Variants in ATRNL1 observed in about 807,000 individuals in gnomAD.
The protein encoded by ATRNL1 is attractin like 1.
A neutral mutation model predicts 182.7 loss-of-function variants in ATRNL1; 95 were observed. That is an observed-to-expected ratio of 0.52 (90% CI 0.44 to 0.62). ATRNL1 has a LOEUF of 0.62. ATRNL1 is among the 20% of genes least tolerant of loss of function. The pLI is 0.00. For missense variants in ATRNL1, 1,471 were observed against 1,679.5 expected (o/e 0.88, Z 2.17); for synonymous variants, 576 against 568.3 (o/e 1.01, Z -0.19).
intron 19 of ATRNL1, among the ~76,000 whole-genome samples, chr10:115,352,799 C>G (rs1554941791): frequency 6.6e-6 from 1 of 152,080 alleles, no homozygotes; most frequent in East Asian, 1.9e-4. Context: ...ACTCGGGAGG[C>G]TGAGGCAGGA....
intron 5 of ATRNL1, among the ~76,000 whole-genome samples, chr10:115,144,186 C>T (rs1195023085): frequency 2.6e-5 from 4 of 151,860 alleles, no homozygotes; most frequent in African/African-American, 7.2e-5. Context: ...CTCATGCTGT[C>T]GCCCAGGCTG....
At position 115,832,829 on chromosome 10, in the gene ATRNL1, A is replaced by G. The variant is rs530519881; in HGVS notation, c.3904-15048A>G. ...TCCTGCATCTCTGTCTCAACCTTTT[A>G]TCTGATACTCACACCTGAATCCCCT... On this transcript the variant is annotated intron_variant, in intron 27 of 28. Coordinates refer to ENST00000355044, the MANE Select transcript of ATRNL1 (RefSeq NM_207303.4). Among the ~76,000 whole-genome samples the G allele has an allele frequency of 5.1e-4, 78 of 152,226 alleles. 1 individual carries two copies. Among genetic ancestry groups the G allele is most frequent in the Middle Eastern group, 6.8e-3 (2 of 294 alleles).
intron 26 of ATRNL1, among the ~76,000 whole-genome samples, chr10:115,706,505 C>A (rs1555053100): frequency 6.6e-6 from 1 of 151,828 alleles, no homozygotes; most frequent in African/African-American, 2.4e-5. Context: ...CAGCCCACCA[C>A]AGCTACTATC....
intron 26 of ATRNL1, among the ~76,000 whole-genome samples, chr10:115,588,157 G>T (rs1555010849): frequency 6.6e-6 from 1 of 152,166 alleles, no homozygotes; most frequent in Non-Finnish European, 1.5e-5. Context: ...TGTTAAACCT[G>T]ATATGTAGCA....
chr10:115,170,307 C>A (rs183464352), intron 7 of ATRNL1, among the ~76,000 whole-genome samples: 1 of 152,046 alleles, frequency 6.6e-6, no homozygotes, highest in Non-Finnish European at 1.5e-5. Context: ...TTTTCTATTT[C>A]TAGTTTGTTG....
intron 26 of ATRNL1, among the ~76,000 whole-genome samples, chr10:115,679,968 T>C (rs2133947557): frequency 6.6e-6 from 1 of 152,220 alleles, no homozygotes; most frequent in South Asian, 2.1e-4. Flanking sequence ...CTTAAACACA[T>C]GAGATATGTG....
chr10:115,746,268 T>C (rs1413354644), intron 27 of ATRNL1, among the ~76,000 whole-genome samples: 1 of 152,094 alleles, frequency 6.6e-6, no homozygotes, highest in Admixed American at 6.6e-5. Context: ...ATCATATTAG[T>C]ATTGAAAATA....
intron 1 of ATRNL1, among the ~76,000 whole-genome samples, chr10:115,110,351 A>T (rs149410274): frequency 6.6e-6 from 1 of 152,216 alleles, no homozygotes; most frequent in Non-Finnish European, 1.5e-5. Context: ...TGGATTTGAC[A>T]TGCTAATGCT....
intron 26 of ATRNL1, among the ~76,000 whole-genome samples, chr10:115,633,038 A>T (rs1858618186): frequency 6.6e-6 from 1 of 151,898 alleles, no homozygotes; most frequent in African/African-American, 2.4e-5. Context: ...GATTACAGGC[A>T]TGCACTGCCA....
At chr10:115,851,326 G>A (rs1210011603) in intron 28 of ATRNL1, among the ~76,000 whole-genome samples, 1 of 151,672 alleles carries the variant, frequency 6.6e-6, no homozygotes, top group Admixed American at 6.6e-5. Flanking sequence ...ACAGGAGCTA[G>A]TTTGGCCATC....
rs1947315642 is a variant in ATRNL1 at position 115,718,228 on chromosome 10, A to C, written c.3796-9020A>C. ...ATTAACTATTCAGGGTTTCAGGGCA[A>C]ATGTCATTTCTCTTCTGTAACCATT... On this transcript the variant is annotated intron_variant, in intron 26 of 28. Transcript: ENST00000355044. 3.9e-5 allele frequency among the ~76,000 whole-genome samples: 6 copies of C among 152,140 alleles called. No homozygotes were observed. In the South Asian group the frequency reaches 1.2e-3, roughly 32 times the overall value.
At chr10:115,899,834 G>A (rs564619954) in intron 28 of ATRNL1, among the ~76,000 whole-genome samples, 1 of 152,172 alleles carries the variant, frequency 6.6e-6, no homozygotes, top group Admixed American at 6.5e-5. Flanking sequence ...ATGACTGATG[G>A]TTAAAAGAAT....
intron 8 of ATRNL1, among the ~76,000 whole-genome samples, chr10:115,192,845 C>G (rs1489284387): frequency 6.6e-6 from 1 of 151,554 alleles, no homozygotes; most frequent in Non-Finnish European, 1.5e-5. Flanking sequence ...AATGGGATTA[C>G]TTTTTTTTGG....
chr10:115,726,584 T>C (rs1947604036), intron 26 of ATRNL1, among the ~76,000 whole-genome samples: 1 of 152,180 alleles, frequency 6.6e-6, no homozygotes, highest in African/African-American at 2.4e-5. Flanking sequence ...CCCAGAATAG[T>C]CACAAAGAGA....
chr10:115,110,072 TCATAA>T (rs1844193281), intron 1 of ATRNL1, among the ~76,000 whole-genome samples: 1 of 152,182 alleles, frequency 6.6e-6, no homozygotes, highest in Non-Finnish European at 1.5e-5. Flanking sequence ...TGATGTTTTA[TCATAA>T]CATCATTATA....
chr10:115,615,724 G>A (rs189375839), intron 26 of ATRNL1, among the ~76,000 whole-genome samples: 82 of 152,104 alleles, frequency 5.4e-4, no homozygotes, highest in African/African-American at 1.9e-3. Context: ...CTTTCTTCCC[G>A]CTGTTTCAGC....
At chr10:115,798,804 C>CT (rs544708882) in intron 27 of ATRNL1, among the ~76,000 whole-genome samples, 6 of 145,550 alleles carry the variant, frequency 4.1e-5, no homozygotes, top group East Asian at 2.1e-4. Context: ...AATGAGGTTG[C>CT]TTTTTTTTTC....
At chr10:115,631,018 G>A (rs989127870) in intron 26 of ATRNL1, among the ~76,000 whole-genome samples, 1 of 151,548 alleles carries the variant, frequency 6.6e-6, no homozygotes, top group Non-Finnish European at 1.5e-5. Flanking sequence ...AAGTAAAAAG[G>A]CCTAATCATA....
At chr10:115,502,116 A>G (rs2133637206) in intron 24 of ATRNL1, among the ~76,000 whole-genome samples, 2 of 152,236 alleles carry the variant, frequency 1.3e-5, no homozygotes, top group Admixed American at 1.3e-4. Flanking sequence ...ATTACTGATA[A>G]TGTATACTAA....
Sources: allele counts gnomAD v4.1 joint callset (sites outside exome capture counted in the v4.1 genomes callset), GRCh38; gene constraint gnomAD v4.1.1; transcripts MANE v1.5; gene names NCBI Gene and HGNC (gene_info 2026-07-23, HGNC 2026-07-21).